Variants in CDH18 observed in about 807,000 individuals in gnomAD.
CDH18 encodes the protein cadherin 18.
CDH18 carries 31 observed loss-of-function variants against 67.9 expected under a neutral mutation model. That is an observed-to-expected ratio of 0.46 (90% CI 0.34 to 0.62). The LOEUF is 0.62. CDH18 is among the 20% of genes least tolerant of loss of function. The pLI, the probability that CDH18 is intolerant of heterozygous loss-of-function variation, is 0.01. For missense variants in CDH18, 890 were observed against 975.5 expected, an observed-to-expected ratio of 0.91 and a Z score of 1.17; for synonymous variants, 362 against 347.2, an observed-to-expected ratio of 1.04 and a Z score of -0.48.
At chr5:19,766,161 C>T (rs546463427) in intron 3 of CDH18, among the ~76,000 whole-genome samples, 136 of 152,152 alleles carry the variant, frequency 8.9e-4, no homozygotes, top group Non-Finnish European at 1.7e-3. Flanking sequence ...TCACAGGCGT[C>T]AGCCATCGTG....
chr5:20,185,488 T>C (rs1434259340), intron 2 of CDH18, among the ~76,000 whole-genome samples: 1 of 152,086 alleles, frequency 6.6e-6, no homozygotes, highest in Non-Finnish European at 1.5e-5. Context: ...AAACCTGGCA[T>C]ACCTTGGTCA....
intron 2 of CDH18, among the ~76,000 whole-genome samples, chr5:20,225,050 A>G (rs1741505109): frequency 6.6e-6 from 1 of 152,060 alleles, no homozygotes; most frequent in Non-Finnish European, 1.5e-5. Context: ...TGCTACTCAG[A>G]AGAGAGCCTC....
intron 3 of CDH18, among the ~76,000 whole-genome samples, chr5:19,749,478 T>C (rs971572177): frequency 6.6e-6 from 1 of 151,522 alleles, no homozygotes; most frequent in African/African-American, 2.4e-5. Flanking sequence ...TACATATATA[T>C]ATACATGAAA....
chr5:19,705,290 GGGACC>G (rs1763809332), intron 5 of CDH18, among the ~76,000 whole-genome samples: 2 of 152,030 alleles, frequency 1.3e-5, no homozygotes, highest in African/African-American at 2.4e-5. Context: ...CTCCTACTTG[GGGACC>G]TTAGCAAATA....
chr5:20,405,628 A>C (rs939496436), intron 1 of CDH18, among the ~76,000 whole-genome samples: 1 of 152,176 alleles, frequency 6.6e-6, no homozygotes, highest in Non-Finnish European at 1.5e-5. Context: ...AGCAAAAGAA[A>C]CTACCATCAG....
intron 2 of CDH18, among the ~76,000 whole-genome samples, chr5:20,030,533 A>G (rs1049216698): frequency 6.6e-6 from 1 of 152,192 alleles, no homozygotes; most frequent in South Asian, 2.1e-4. Flanking sequence ...ATAAGATGCC[A>G]TTATTGGCCA....
intron 2 of CDH18, among the ~76,000 whole-genome samples, chr5:20,095,448 G>GAAAGAAAAA (rs1561786332): frequency 1.2e-5 from 1 of 83,568 alleles, no homozygotes; most frequent in Non-Finnish European, 2.3e-5. Flanking sequence ...AGAAAGAAAA[G>GAAAGAAAAA]AAAGAAAGAA....
At chr5:20,337,211 T>C (rs566435060) in intron 1 of CDH18, among the ~76,000 whole-genome samples, 1 of 152,310 alleles carries the variant, frequency 6.6e-6, no homozygotes, top group East Asian at 1.9e-4. Context: ...TTTTCCCCCA[T>C]TGTCTTGGTG....
intron 2 of CDH18, among the ~76,000 whole-genome samples, chr5:20,187,007 C>A (rs1009825171): frequency 2.0e-5 from 3 of 151,752 alleles, no homozygotes; most frequent in Non-Finnish European, 4.4e-5. Flanking sequence ...ATGGATAAAC[C>A]TTGAAGACAC....
rs542259967 is a variant in CDH18 at position 20,559,506 on chromosome 5, A to G, written c.-580+15956T>C. On this transcript the variant is annotated intron_variant, in intron 1 of 14. Transcript: ENST00000507958. ...GTAGCACTTGTTTTAGACAGTTCCA[A>G]AAGTACTCAATTTTCAGCAATTAAA... Among the ~76,000 whole-genome samples, 48 of 152,224 alleles carry G rather than the reference A, an allele frequency of 3.2e-4. No individual in the cohort carries two copies. The South Asian group carries it at 1.0e-2, about 32-fold the overall frequency.
intron 7 of CDH18, among the ~76,000 whole-genome samples, chr5:19,574,336 T>C (rs1395199007): frequency 6.6e-6 from 1 of 152,178 alleles, no homozygotes. Flanking sequence ...TTTGAGGGAC[T>C]TCTTTGCCAG....
At chr5:20,009,065 A>C (rs1737175115) in intron 2 of CDH18, among the ~76,000 whole-genome samples, 1 of 152,154 alleles carries the variant, frequency 6.6e-6, no homozygotes, top group Admixed American at 6.6e-5. Context: ...GGTTAATGGC[A>C]GTTCGGTCTA....
In CDH18 at chr5:20,076,296, G is replaced by A. The variant is rs115439621; in HGVS notation, c.-517-84282C>T. 7.3e-3 allele frequency among the ~76,000 whole-genome samples: 1,106 copies of A among 151,524 alleles called. 15 individuals carry two copies. The highest frequency in any genetic ancestry group is 0.026 in the African/African-American group (1,060 of 41,378). On this transcript the variant is annotated intron_variant, in intron 2 of 14. Transcript: ENST00000507958. ...GTTAAAGGAGTCTCATTTTGGGTGT[G>A]TTTGGGGTGGGGGTGGAATATTTAG...
intron 2 of CDH18, among the ~76,000 whole-genome samples, chr5:20,107,977 CA>C (rs1247110681): frequency 1.4e-5 from 2 of 145,560 alleles, no homozygotes; most frequent in Non-Finnish European, 3.0e-5. Flanking sequence ...GCCTATGTCC[CA>C]ATCTCCTGCT....
chr5:20,358,829 A>T (rs930743529), intron 1 of CDH18, among the ~76,000 whole-genome samples: 1 of 152,080 alleles, frequency 6.6e-6, no homozygotes, highest in African/African-American at 2.4e-5. Flanking sequence ...ATTTGGTGTG[A>T]TCTTATTTTA....
chr5:19,612,949 A>T (rs1337303768), intron 5 of CDH18, among the ~76,000 whole-genome samples: 3 of 151,924 alleles, frequency 2.0e-5, no homozygotes, highest in Non-Finnish European at 2.9e-5. Flanking sequence ...GACCAGCTTG[A>T]CCAGTATGGT....
chr5:20,274,479 G>C (rs1443780979), intron 1 of CDH18, among the ~76,000 whole-genome samples: 1 of 152,108 alleles, frequency 6.6e-6, no homozygotes, highest in Non-Finnish European at 1.5e-5. Flanking sequence ...GGATCAGAAA[G>C]AAGGAATACA....
At chr5:19,779,136 G>C (rs902503535) in intron 3 of CDH18, among the ~76,000 whole-genome samples, 2 of 152,034 alleles carry the variant, frequency 1.3e-5, no homozygotes, top group Admixed American at 6.6e-5. Flanking sequence ...TTAATAGAGG[G>C]AAAACTGAGA....
chr5:19,514,284 T>A (rs1745589875), intron 10 of CDH18, among the ~76,000 whole-genome samples: 1 of 152,356 alleles, frequency 6.6e-6, no homozygotes, highest in Non-Finnish European at 1.5e-5. Context: ...TTTGCTATTG[T>A]GAATAGTGCT....
Sources: allele counts gnomAD v4.1 joint callset (sites outside exome capture counted in the v4.1 genomes callset), GRCh38; gene constraint gnomAD v4.1.1; transcripts MANE v1.5; gene names NCBI Gene and HGNC (gene_info 2026-07-23, HGNC 2026-07-21).